Variants in DAB1 observed in about 807,000 individuals in gnomAD.
The protein encoded by DAB1 is disabled homolog 1.
Under a neutral mutation model 64.6 loss-of-function variants are expected in DAB1, and 15 were observed. That is an observed-to-expected ratio of 0.23 (90% CI 0.16 to 0.36). The LOEUF is 0.36. DAB1 is among the 10% of genes least tolerant of loss of function. The probability of loss-of-function intolerance (pLI) is 1.00; values close to 1 mark genes in which losing one functional copy is unlikely to be tolerated. For missense variants in DAB1, 596 were observed against 706.7 expected (o/e 0.84, Z 1.78); for synonymous variants, 235 against 251.9 (o/e 0.93, Z 0.64).
chr1:58,417,932 TC>T (rs1644737275), intron 3 of DAB1, among the ~76,000 whole-genome samples: 2 of 152,156 alleles, frequency 1.3e-5, no homozygotes, highest in African/African-American at 2.4e-5. Context: ...AATGAAACTA[TC>T]ACAATCCCTT....
chr1:57,824,169 A>G (rs533709957), downstream of DAB1, among the ~76,000 whole-genome samples: 1 of 152,328 alleles, frequency 6.6e-6, no homozygotes, highest in East Asian at 1.9e-4. Flanking sequence ...CAGGAAGTTT[A>G]AGCCACATGT....
chr1:58,235,698 T>C (rs1659994189), intron 4 of DAB1, among the ~76,000 whole-genome samples: 1 of 152,192 alleles, frequency 6.6e-6, no homozygotes, highest in Admixed American at 6.5e-5. Flanking sequence ...ATGACCCACA[T>C]CTGGCACAGA....
At chr1:57,522,732 G>A (rs548931171) in intron 7 of DAB1, among the ~76,000 whole-genome samples, 2 of 152,352 alleles carry the variant, frequency 1.3e-5, no homozygotes, top group African/African-American at 4.8e-5. Flanking sequence ...TAACATTTGA[G>A]TCAGTAGACT....
At chr1:57,367,774 C>T (rs1458962721) in intron 1 of DAB1, among the ~76,000 whole-genome samples, 2 of 152,188 alleles carry the variant, frequency 1.3e-5, no homozygotes, top group East Asian at 3.9e-4. Flanking sequence ...CATGCAGCTG[C>T]AGCCACCCAA....
chr1:57,606,110 C>A, intron 7 of DAB1: 1 of 457,536 alleles, frequency 2.2e-6, no homozygotes, highest in Non-Finnish European at 4.1e-6. Context: ...CATACCATCT[C>A]CTGGGATTTT....
intron 14 of DAB1, among the ~76,000 whole-genome samples, chr1:56,998,474 T>A (rs1206257273): frequency 6.6e-6 from 1 of 152,220 alleles, no homozygotes; most frequent in African/African-American, 2.4e-5. Context: ...GGAATAGTAC[T>A]GTTTATCCTA....
chr1:57,288,323 G>A (rs1007628151), intron 2 of DAB1, among the ~76,000 whole-genome samples: 6 of 152,144 alleles, frequency 3.9e-5, no homozygotes, highest in Non-Finnish European at 8.8e-5. Flanking sequence ...GGGGGATGGG[G>A]GAGGAGGAAA....
chr1:57,560,872 C>A (rs1289288474), intron 7 of DAB1, among the ~76,000 whole-genome samples: 3 of 152,210 alleles, frequency 2.0e-5, no homozygotes, highest in Non-Finnish European at 4.4e-5. Flanking sequence ...TTTTGAGAGT[C>A]AGCTCTTGGC....
At chr1:58,314,064 T>G (rs1304565194) in intron 4 of DAB1, among the ~76,000 whole-genome samples, 1 of 152,200 alleles carries the variant, frequency 6.6e-6, no homozygotes, top group African/African-American at 2.4e-5. Context: ...TCTTGAATTT[T>G]TATGGTTCCT....
At chr1:57,206,200 G>A (rs531741261) in intron 2 of DAB1, among the ~76,000 whole-genome samples, 1 of 152,182 alleles carries the variant, frequency 6.6e-6, no homozygotes, top group Non-Finnish European at 1.5e-5. Context: ...TGTTAGAAAG[G>A]CTTTGGAGGA....
At chr1:57,171,036 C>T (rs773245677) in intron 2 of DAB1, among the ~76,000 whole-genome samples, 7 of 152,118 alleles carry the variant, frequency 4.6e-5, no homozygotes, top group Non-Finnish European at 1.0e-4. Flanking sequence ...AAAGAGAAAG[C>T]TGTATTTTGT....
At chr1:57,352,849 G>A (rs1199079637) in intron 1 of DAB1, among the ~76,000 whole-genome samples, 1 of 152,062 alleles carries the variant, frequency 6.6e-6, no homozygotes, top group Non-Finnish European at 1.5e-5. Flanking sequence ...ATGATTATTT[G>A]TGGGTGAGCT....
intron 4 of DAB1, among the ~76,000 whole-genome samples, chr1:57,127,671 A>C (rs147685711): frequency 0.014 from 2,204 of 152,330 alleles, 53 homozygotes; most frequent in African/African-American, 0.05. Context: ...TAAATAGATA[A>C]AAATTTAAGA....
chr1:57,651,151 T>C (rs747458946), intron 6 of DAB1, among the ~76,000 whole-genome samples: 3 of 148,586 alleles, frequency 2.0e-5, no homozygotes, highest in Non-Finnish European at 4.5e-5. Context: ...GAGCAGTCAG[T>C]AAAACAAAAA....
chr1:58,519,421 T>C (rs1256604971), intron 2 of DAB1, among the ~76,000 whole-genome samples: 1 of 152,168 alleles, frequency 6.6e-6, no homozygotes, highest in Admixed American at 6.5e-5. Context: ...ATATATTCTA[T>C]GGGAAGCTTC....
At chr1:57,571,445 G>A (rs1160865544) in intron 7 of DAB1, among the ~76,000 whole-genome samples, 1 of 152,148 alleles carries the variant, frequency 6.6e-6, no homozygotes, top group African/African-American at 2.4e-5. Flanking sequence ...TTTGCACAGA[G>A]GATAACCTTG....
intron 3 of DAB1, among the ~76,000 whole-genome samples, chr1:58,344,332 A>T (rs910369714): frequency 5.3e-5 from 8 of 152,138 alleles, no homozygotes; most frequent in African/African-American, 1.9e-4. Context: ...TAAGAGAGGA[A>T]ATTAGTGGTC....
At chr1:58,524,524 C>A (rs1646319473) in intron 2 of DAB1, among the ~76,000 whole-genome samples, 1 of 152,188 alleles carries the variant, frequency 6.6e-6, no homozygotes, top group Non-Finnish European at 1.5e-5. Flanking sequence ...AAAGGTGCAT[C>A]TTCTATACAA....
chr1:58,481,289 T>A (rs1645478344), intron 3 of DAB1: 1 of 423,812 alleles, frequency 2.4e-6, no homozygotes, highest in Non-Finnish European at 4.1e-6. Flanking sequence ...GTTATTTTTT[T>A]AATAAAAGGT....
Sources: allele counts gnomAD v4.1 joint callset (sites outside exome capture counted in the v4.1 genomes callset), GRCh38; gene constraint gnomAD v4.1.1; transcripts MANE v1.5; gene names NCBI Gene and HGNC (gene_info 2026-07-23, HGNC 2026-07-21).